PTPRN2: variants seen among roughly 807,000 people sequenced by gnomAD.
PTPRN2 encodes the protein protein tyrosine phosphatase receptor type N2.
In PTPRN2, 74 loss-of-function variants were observed where a neutral mutation model predicts 118.8. The ratio of observed to expected loss-of-function variants is 0.62; its 90% confidence interval spans 0.52 to 0.76. PTPRN2 has a LOEUF of 0.76. Among genes scored for constraint, PTPRN2 ranks in the 30% least tolerant of loss-of-function variants. The pLI is 0.00. For synonymous variants in PTPRN2, 641 were observed against 608.0 expected (o/e 1.05, Z -0.80); for missense variants, 1,481 against 1,394.4 (o/e 1.06, Z -0.99).
chr7:157,565,149 G>A (rs188991081), intron 21 of PTPRN2, among the ~76,000 whole-genome samples: 6 of 152,208 alleles, frequency 3.9e-5, no homozygotes, highest in Non-Finnish European at 7.3e-5. Flanking sequence ...CATCCCCGTA[G>A]GCAAGGAGAT....
In PTPRN2 at chr7:157,618,261, G is replaced by A. The variant is rs1802919477; in HGVS notation, c.2344+3101C>T. 6.6e-6 allele frequency: 1 copy of A among 152,376 alleles called. No individual in the cohort carries two copies. The highest frequency in any genetic ancestry group is 1.5e-5 in the Non-Finnish European group (1 of 68,112). The allele number at this position is 152,376 out of a possible 1,614,324, so 9.4% of individuals were successfully genotyped here. Reference sequence around the variant, plus strand: ...GAGGACCCTTTCCATAGACCTGGGAGTTCCCGGTGAGCACGCGGAAAGGAC... The same window carrying A: ...GAGGACCCTTTCCATAGACCTGGGAATTCCCGGTGAGCACGCGGAAAGGAC... On this transcript the variant is annotated intron_variant, in intron 15 of 22. Coordinates refer to ENST00000389418, the MANE Select transcript of PTPRN2 (RefSeq NM_002847.5). This position sits in a 1 kb window ranked among gnomAD's most constrained non-coding sequence, Gnocchi z 4.2.
chr7:157,960,673 A>AT (rs1191433608), intron 11 of PTPRN2, among the ~76,000 whole-genome samples: 2 of 152,254 alleles, frequency 1.3e-5, no homozygotes, highest in Admixed American at 1.3e-4. Flanking sequence ...AGACCAAGAT[A>AT]TTTTTATGAT....
Position 157,676,911 on chromosome 7 carries a change from A to G in PTPRN2, c.2001+5814T>C, listed in dbSNP as rs566511699. Among the ~76,000 whole-genome samples, 1 of 150,684 alleles carries G rather than the reference A, an allele frequency of 6.6e-6. No individual in the cohort carries two copies. The highest frequency in any genetic ancestry group is 1.5e-5 in the Non-Finnish European group (1 of 67,848). ...AAGTGTTCTCTGGTTCTGGCAGAGA[A>G]ATGTGTGAGGCGGACTGGTACACAA... On this transcript the variant is annotated intron_variant, in intron 13 of 22. Coordinates refer to ENST00000389418, the MANE Select transcript of PTPRN2 (RefSeq NM_002847.5). The surrounding 1 kb of genome is among the most constrained non-coding windows in gnomAD (Gnocchi z 5.6).
At chr7:158,342,079 CA>C in intron 2 of PTPRN2, among the ~76,000 whole-genome samples, 2 of 134,940 alleles carry the variant, frequency 1.5e-5, no homozygotes, top group African/African-American at 5.8e-5. Context: ...ACACTCTCAC[CA>C]GAAGGGGTGT....
intron 11 of PTPRN2, among the ~76,000 whole-genome samples, chr7:158,057,397 C>T (rs537783223): frequency 1.3e-5 from 2 of 152,328 alleles, no homozygotes; most frequent in East Asian, 3.9e-4. Flanking sequence ...GGCAGCAAAG[C>T]CCAATGATGA....
intron 12 of PTPRN2, among the ~76,000 whole-genome samples, chr7:157,814,957 C>T (rs1184999216): frequency 6.6e-6 from 1 of 152,202 alleles, no homozygotes; most frequent in Non-Finnish European, 1.5e-5. Context: ...GCTACGTGGT[C>T]ACCCGTGCAT....
chr7:158,165,529 G>A (rs774772656), intron 6 of PTPRN2, among the ~76,000 whole-genome samples: 5 of 152,236 alleles, frequency 3.3e-5, no homozygotes, highest in Middle Eastern at 3.2e-3. Flanking sequence ...CTGCCATAAC[G>A]GCTGCATGAA....
intron 20 of PTPRN2, among the ~76,000 whole-genome samples, chr7:157,570,789 C>G (rs1230060110): frequency 6.6e-6 from 1 of 152,144 alleles, no homozygotes; most frequent in Non-Finnish European, 1.5e-5. Flanking sequence ...GGGTTCTGAG[C>G]CTCTGCTGGA....
At chr7:158,084,301 T>A (rs1199666593) in intron 10 of PTPRN2, among the ~76,000 whole-genome samples, 2 of 110,254 alleles carry the variant, frequency 1.8e-5, no homozygotes, top group Non-Finnish European at 3.9e-5. Flanking sequence ...GCCCGCCACG[T>A]CTGCTGTGCA....
At chr7:158,504,497 C>G (rs1822603235) in intron 1 of PTPRN2, among the ~76,000 whole-genome samples, 1 of 152,206 alleles carries the variant, frequency 6.6e-6, no homozygotes, top group Non-Finnish European at 1.5e-5. Flanking sequence ...CAGCTTCCCG[C>G]TCCATCCATG....
At chr7:158,048,621 T>C (rs1026856897) in intron 11 of PTPRN2, among the ~76,000 whole-genome samples, 3 of 149,722 alleles carry the variant, frequency 2.0e-5, no homozygotes, top group Non-Finnish European at 3.0e-5. Flanking sequence ...ACATCACCAC[T>C]ACCACCATCA....
chr7:157,917,084 G>A (rs1212867457), intron 11 of PTPRN2, among the ~76,000 whole-genome samples: 2 of 148,854 alleles, frequency 1.3e-5, no homozygotes, highest in Non-Finnish European at 3.0e-5. Context: ...CATGCACCCC[G>A]GCCACTCCAG....
At chr7:158,150,981 G>C (rs897746055) in intron 6 of PTPRN2, among the ~76,000 whole-genome samples, 2 of 151,712 alleles carry the variant, frequency 1.3e-5, no homozygotes, top group Non-Finnish European at 2.9e-5. Flanking sequence ...AGCAATGTCT[G>C]TTCCTCTCAG....
At chr7:158,042,439 C>T (rs1391607478) in intron 11 of PTPRN2, among the ~76,000 whole-genome samples, 1 of 152,196 alleles carries the variant, frequency 6.6e-6, no homozygotes, top group East Asian at 1.9e-4. Context: ...TCACTCTCTG[C>T]AGCACAGGGT....
At position 158,081,300 on chromosome 7, in the gene PTPRN2, G is replaced by A. The variant is rs1218065929; in HGVS notation, c.1721C>T (p.Thr574Ile). ...NVTTEDVEKA[T>I]VDNKDKLEET... is the part of the protein sequence containing the mutation. ...CGTGTGTGTGGAAACAGCCTCACCT[G>A]TGGCCTTCTCCACATCCTCAGTGGT... The change falls in exon 11 of 23, where the codon ACA becomes ATA. Residue 574 changes from threonine (T) to isoleucine (I), a missense_variant and splice_region_variant. Physicochemically the swap from Thr to Ile is moderately conservative, Grantham distance 89. Coordinates refer to ENST00000389418, the MANE Select transcript of PTPRN2 (RefSeq NM_002847.5). The A allele has an allele frequency of 1.2e-6, 2 of 1,613,748 alleles. No individual in the cohort carries two copies. The highest frequency in any genetic ancestry group is 1.3e-5 in the African/African-American group (1 of 74,910).
chr7:158,090,408 C>G (rs376447117), intron 10 of PTPRN2, among the ~76,000 whole-genome samples: 1 of 152,198 alleles, frequency 6.6e-6, no homozygotes, highest in Non-Finnish European at 1.5e-5. Context: ...CTACCTTTAA[C>G]CAAAATAAGG....
chr7:158,313,176 G>A (rs891624952), intron 3 of PTPRN2, among the ~76,000 whole-genome samples: 2 of 152,070 alleles, frequency 1.3e-5, no homozygotes, highest in Admixed American at 6.5e-5. Context: ...GTGTGCCTTC[G>A]CAGCATGCCC....
chr7:157,875,313 C>T (rs1795689417), intron 12 of PTPRN2, among the ~76,000 whole-genome samples: 2 of 152,196 alleles, frequency 1.3e-5, no homozygotes, highest in South Asian at 4.1e-4. Flanking sequence ...TCCAGGCGTT[C>T]CGTGAGAGCC....
At position 157,788,374 on chromosome 7, in the gene PTPRN2, C is replaced by CAAAAAAAAAAAAAAAAA. The variant is rs749886375; in HGVS notation, c.1789-105454_1789-105438dup. Among the ~76,000 whole-genome samples the CAAAAAAAAAAAAAAAAA allele has an allele frequency of 2.8e-4, 21 of 75,514 alleles. No individual in the cohort carries two copies. The South Asian group carries it at 3.1e-3, about 11-fold the overall frequency. The allele number at this position is 75,514 out of a possible 152,430, so 49.5% of individuals were successfully genotyped here. A position where few individuals can be genotyped will look rare whatever the true frequency, so the allele number is the denominator to read the frequency against. ...TGGGAAACAGAATGAGACTCCATCT[C>CAAAAAAAAAAAAAAAAA]AAAAAAAAAAAAAAAAAAGAAAGTA... is the stretch of plus-strand genomic sequence containing the variant. On this transcript the variant is annotated intron_variant, in intron 12 of 22. Transcript: ENST00000389418.
Sources: gnomAD v4.1 joint callset for allele counts (sites outside exome capture counted in the v4.1 genomes callset) on GRCh38, gnomAD v4.1.1 for gene constraint, Gnocchi (gnomAD v3.1) non-coding constraint, MANE v1.5 for transcripts, NCBI Gene and HGNC (gene_info 2026-07-23, HGNC 2026-07-21) for gene names.